PRELID2: variants seen among roughly 807,000 people sequenced by gnomAD.
PRELID2 encodes the protein PRELI domain containing 2.
PRELID2 carries 25 observed loss-of-function variants against 28.4 expected under a neutral mutation model. The observed-to-expected ratio is 0.88, with a 90% CI of 0.64 to 1.23. The LOEUF is 1.23. Among genes scored for constraint, PRELID2 ranks in the 50% most tolerant of loss-of-function variants. The pLI is 0.00. For missense variants in PRELID2, 201 were observed against 214.4 expected (o/e 0.94, Z 0.39); for synonymous variants, 76 against 71.6 (o/e 1.06, Z -0.31).
intron 1 of PRELID2, among the ~76,000 whole-genome samples, chr5:145,685,479 T>C (rs1016396439): frequency 1.3e-5 from 2 of 152,210 alleles, no homozygotes; most frequent in African/African-American, 4.8e-5. Flanking sequence ...TTCTCTGGCA[T>C]AGATAAGAAT....
intron 1 of PRELID2, among the ~76,000 whole-genome samples, chr5:145,602,137 A>G (rs1216455764): frequency 6.6e-6 from 1 of 152,216 alleles, no homozygotes; most frequent in Non-Finnish European, 1.5e-5. Flanking sequence ...AGATTCTGGT[A>G]GTCAGAAGGC....
chr5:145,675,872 AC>A (rs1393220656), intron 1 of PRELID2, among the ~76,000 whole-genome samples: 3 of 152,238 alleles, frequency 2.0e-5, no homozygotes, highest in African/African-American at 7.2e-5. Flanking sequence ...ACTAAAAATA[AC>A]AACTGCAATA....
At chr5:145,446,344 A>G in the PRELID2 span, among the ~76,000 whole-genome samples, 1 of 152,054 alleles carries the variant, frequency 6.6e-6, no homozygotes, top group East Asian at 1.9e-4. Flanking sequence ...CAATTATGTG[A>G]AAAAAAGTGA....
chr5:145,584,479 G>A (rs1052129471), intron 1 of PRELID2, among the ~76,000 whole-genome samples: 9 of 151,908 alleles, frequency 5.9e-5, no homozygotes, highest in African/African-American at 1.7e-4. Context: ...AAAGAAACTA[G>A]CATCAGAGTG....
the PRELID2 span, among the ~76,000 whole-genome samples, chr5:145,312,570 A>G: frequency 1.3e-5 from 2 of 152,182 alleles, no homozygotes; most frequent in African/African-American, 4.8e-5. Flanking sequence ...CTATGAGATC[A>G]ACTTTTTAAG....
At chr5:145,809,859 C>A (rs1753810984) in intron 4 of PRELID2, among the ~76,000 whole-genome samples, 1 of 152,204 alleles carries the variant, frequency 6.6e-6, no homozygotes, top group Non-Finnish European at 1.5e-5. Flanking sequence ...AGGTGATTAT[C>A]TTCCAGAATT....
intron 1 of PRELID2, among the ~76,000 whole-genome samples, chr5:145,489,921 C>T (rs534655712): frequency 8.8e-4 from 134 of 152,250 alleles, no homozygotes; most frequent in African/African-American, 3.1e-3. Context: ...AAAAAATTAT[C>T]CATTATTTCA....
intron 1 of PRELID2, among the ~76,000 whole-genome samples, chr5:145,543,177 A>G (rs1295589685): frequency 6.6e-6 from 1 of 152,076 alleles, no homozygotes. Flanking sequence ...TTGAGTTATC[A>G]TTTGAATAAT....
chr5:145,651,217 C>A (rs1160559581), intron 1 of PRELID2, among the ~76,000 whole-genome samples: 1 of 152,148 alleles, frequency 6.6e-6, no homozygotes, highest in Non-Finnish European at 1.5e-5. Flanking sequence ...GGGAGAGGTG[C>A]CTGCCATTGC....
At position 145,725,955 on chromosome 5, in the gene PRELID2, G is replaced by A. The variant is rs182943185; in HGVS notation, n.70+38976C>T. Among the ~76,000 whole-genome samples, 59 of 152,242 alleles carry A rather than the reference G, an allele frequency of 3.9e-4. 1 individual carries two copies. The East Asian group carries it at 0.01, about 27-fold the overall frequency. ...TCCAGCACTTTGGTAGGCCAAGGCA[G>A]GTAGATCACTTGAGCCCAGGAGTTT... On this transcript the variant is annotated intron_variant and non_coding_transcript_variant, in intron 1 of 2. Transcript: ENST00000510259.
chr5:145,263,495 G>A, the PRELID2 span, among the ~76,000 whole-genome samples: 77 of 151,638 alleles, frequency 5.1e-4, no homozygotes, highest in East Asian at 0.014. Context: ...TTGCAAAGCA[G>A]AATTAAATTA....
At chr5:145,382,818 T>C in the PRELID2 span, among the ~76,000 whole-genome samples, 1 of 151,870 alleles carries the variant, frequency 6.6e-6, no homozygotes, top group African/African-American at 2.4e-5. Context: ...TCACACAATA[T>C]ATCCATGTAA....
the PRELID2 span, among the ~76,000 whole-genome samples, chr5:145,382,427 T>G: frequency 6.6e-6 from 1 of 151,990 alleles, no homozygotes; most frequent in Non-Finnish European, 1.5e-5. Context: ...AAATGAAACA[T>G]TTTATAGTAA....
the PRELID2 span, among the ~76,000 whole-genome samples, chr5:145,333,742 G>C: frequency 6.7e-6 from 1 of 149,566 alleles, no homozygotes; most frequent in South Asian, 2.1e-4. Context: ...AGACCACTTT[G>C]CTCCCTGGCT....
chr5:145,518,015 T>C (rs1752531155), intron 1 of PRELID2, among the ~76,000 whole-genome samples: 1 of 151,960 alleles, frequency 6.6e-6, no homozygotes, highest in Non-Finnish European at 1.5e-5. Flanking sequence ...AGGGGACCGA[T>C]AGCATTAGGA....
At chr5:145,418,077 T>G in the PRELID2 span, among the ~76,000 whole-genome samples, 2 of 152,042 alleles carry the variant, frequency 1.3e-5, no homozygotes, top group Admixed American at 6.6e-5. Context: ...GCACAGAAAT[T>G]GCTAGCATTT....
intron 1 of PRELID2, among the ~76,000 whole-genome samples, chr5:145,643,088 C>CCTATAAATG (rs1490007186): frequency 6.6e-6 from 1 of 152,022 alleles, no homozygotes; most frequent in African/African-American, 2.4e-5. Flanking sequence ...TAGCATTGAA[C>CCTATAAATG]CTATAAATTA....
At chr5:145,647,676 C>G (rs1002881310) in intron 1 of PRELID2, among the ~76,000 whole-genome samples, 1 of 152,190 alleles carries the variant, frequency 6.6e-6, no homozygotes, top group African/African-American at 2.4e-5. Flanking sequence ...GCAAAGGCAC[C>G]GGAGGGAATC....
chr5:145,393,317 G>A, the PRELID2 span, among the ~76,000 whole-genome samples: 6 of 151,424 alleles, frequency 4.0e-5, no homozygotes, highest in Non-Finnish European at 2.9e-5. Context: ...ATAACTTGGC[G>A]GGGTCCACTC....
Sources: allele counts gnomAD v4.1 joint callset (sites outside exome capture counted in the v4.1 genomes callset), GRCh38; gene constraint gnomAD v4.1.1; transcripts MANE v1.5; gene names NCBI Gene and HGNC (gene_info 2026-07-23, HGNC 2026-07-21).